The following NHSL2 variants were observed in gnomAD, a reference collection of about 807,000 sequenced individuals.
The protein encoded by NHSL2 is NHS-like protein 2.
In NHSL2, 27 loss-of-function variants were observed where a neutral mutation model predicts 53.4. The observed-to-expected ratio is 0.51, with a 90% confidence interval of 0.37 to 0.70. The LOEUF is 0.70. Among genes scored for constraint, NHSL2 ranks in the 30% least tolerant of loss-of-function variants. NHSL2 has a pLI of 0.00. For synonymous variants in NHSL2, 408 were observed against 404.1 expected (o/e 1.01, Z -0.12); for missense variants, 892 against 980.1 (o/e 0.91, Z 1.20).
At chrX:72,006,108 A>T (rs1450265457) in intron 1 of NHSL2, among the ~76,000 whole-genome samples, 2 of 111,748 alleles carry the variant, frequency 1.8e-5, no homozygotes, top group Non-Finnish European at 3.8e-5. Context: ...CATGGTTAGC[A>T]CCCTGTTTCA....
intron 1 of NHSL2, among the ~76,000 whole-genome samples, chrX:72,028,839 A>C (rs1446002973): frequency 8.9e-6 from 1 of 112,513 alleles, no homozygotes; most frequent in Non-Finnish European, 1.9e-5. Context: ...TTCTTTGGAC[A>C]TTGTCGGTAG....
intron 1 of NHSL2, among the ~76,000 whole-genome samples, chrX:71,981,760 A>G (rs1184624163): frequency 8.9e-6 from 1 of 111,904 alleles, no homozygotes; most frequent in Non-Finnish European, 1.9e-5. Context: ...AATTTAAATC[A>G]AACCACATGA....
At chrX:72,073,313 C>G (rs942047490) in intron 1 of NHSL2, among the ~76,000 whole-genome samples, 4 of 110,895 alleles carry the variant, frequency 3.6e-5, no homozygotes, top group Non-Finnish European at 5.7e-5. Context: ...CCAACAGGAC[C>G]TTAGAGCATA....
rs5991901 is a variant in NHSL2 at position 71,983,887 on chromosome X, T to G, written c.280+72520T>G. ...TGGTTTTGGTGGGTTTTAGCCAGCTTCTTTACTACAGCCTGTTTTATCAGC... is the reference window on the plus strand; with the variant it reads ...TGGTTTTGGTGGGTTTTAGCCAGCTGCTTTACTACAGCCTGTTTTATCAGC... On this transcript the variant is annotated intron_variant, in intron 1 of 7. Coordinates refer to ENST00000633930, the MANE Select transcript of NHSL2 (RefSeq NM_001013627.3). 2.8e-3 allele frequency among the ~76,000 whole-genome samples: 313 copies of G among 111,656 alleles called. 1 individual carries two copies. The highest frequency in any genetic ancestry group is 9.7e-3 in the African/African-American group (299 of 30,719).
intron 1 of NHSL2, among the ~76,000 whole-genome samples, chrX:72,024,439 A>G (rs1234266953): frequency 8.9e-6 from 1 of 112,043 alleles, no homozygotes; most frequent in Non-Finnish European, 1.9e-5. Context: ...ATTTTAAAGG[A>G]GACATTTGAA....
intron 1 of NHSL2, among the ~76,000 whole-genome samples, chrX:72,049,012 A>AGAGGAAGAGGAG (rs2042323245): frequency 1.2e-5 from 1 of 84,521 alleles, no homozygotes; most frequent in Non-Finnish European, 2.2e-5. Context: ...AAGAAGAAGA[A>AGAGGAAGAGGAG]GAGGAAGAGG....
intron 1 of NHSL2, among the ~76,000 whole-genome samples, chrX:72,107,483 C>G (rs967356299): frequency 9.0e-6 from 1 of 111,303 alleles, no homozygotes; most frequent in Non-Finnish European, 1.9e-5. Context: ...CTGCCTGGGC[C>G]CTGCCAGTGT....
intron 1 of NHSL2, among the ~76,000 whole-genome samples, chrX:72,073,510 T>C (rs1159598806): frequency 8.9e-6 from 1 of 112,281 alleles, no homozygotes; most frequent in Non-Finnish European, 1.9e-5. Context: ...TGTGCATATA[T>C]GGACCAGCTG....
chrX:72,013,193 G>A (rs1228860018), intron 1 of NHSL2, among the ~76,000 whole-genome samples: 1 of 111,879 alleles, frequency 8.9e-6, no homozygotes, highest in African/African-American at 3.3e-5. Context: ...TCTCTATTTA[G>A]GTCTTCTTTG....
At position 72,085,593 on chromosome X, in the gene NHSL2, G is replaced by A. The variant is rs183974473; in HGVS notation, c.281-46486G>A. On this transcript the variant is annotated intron_variant, in intron 1 of 7. Coordinates refer to ENST00000633930, the MANE Select transcript of NHSL2 (RefSeq NM_001013627.3). ...GGGGGAAATACAGGTATTTTAAAAT[G>A]TCAGCCTTATTCAAAAAAGCAAAAC... 2.7e-5 allele frequency among the ~76,000 whole-genome samples: 3 copies of A among 111,464 alleles called. 1 individual carries two copies. Among genetic ancestry groups the A allele is most frequent in the Admixed American group, 9.5e-5 (1 of 10,517 alleles).
At chrX:71,959,647 G>A (rs1440334522) in intron 1 of NHSL2, among the ~76,000 whole-genome samples, 1 of 110,930 alleles carries the variant, frequency 9.0e-6, no homozygotes, top group Non-Finnish European at 1.9e-5. Context: ...CCACTCCCCA[G>A]TACTAGGAAA....
intron 1 of NHSL2, among the ~76,000 whole-genome samples, chrX:72,099,967 G>A (rs760191304): frequency 7.2e-5 from 8 of 111,182 alleles, no homozygotes; most frequent in Admixed American, 9.5e-5. Context: ...CAGGCAGAGA[G>A]ATTCAAAATG....
At chrX:72,043,664 C>A (rs764880948) in intron 1 of NHSL2, among the ~76,000 whole-genome samples, 1 of 111,620 alleles carries the variant, frequency 9.0e-6, no homozygotes, top group South Asian at 3.8e-4. Context: ...ATCAAAATAC[C>A]CTGAGACCTC....
At chrX:72,014,233 A>C (rs1391293318) in intron 1 of NHSL2, among the ~76,000 whole-genome samples, 1 of 112,015 alleles carries the variant, frequency 8.9e-6, no homozygotes, top group Non-Finnish European at 1.9e-5. Flanking sequence ...TTTTCAAAGA[A>C]GCAGCTCTTT....
At chrX:72,006,442 C>G (rs746634542) in intron 1 of NHSL2, among the ~76,000 whole-genome samples, 28 of 112,276 alleles carry the variant, frequency 2.5e-4, no homozygotes, top group Middle Eastern at 9.2e-3. Context: ...ATCTCCACCC[C>G]TGGGATGCTC....
At chrX:71,987,812 G>A (rs1030638579) in intron 1 of NHSL2, among the ~76,000 whole-genome samples, 1 of 112,305 alleles carries the variant, frequency 8.9e-6, no homozygotes, top group African/African-American at 3.2e-5. Context: ...AGGCCACCAC[G>A]GTGAAGACAC....
intron 1 of NHSL2, among the ~76,000 whole-genome samples, chrX:71,997,825 G>A (rs2042056023): frequency 8.9e-6 from 1 of 112,001 alleles, no homozygotes; most frequent in Admixed American, 9.4e-5. Flanking sequence ...AACAATCCCT[G>A]GCACCTGGCA....
chrX:71,984,826 CTT>C (rs140131441), intron 1 of NHSL2, among the ~76,000 whole-genome samples: 3 of 91,281 alleles, frequency 3.3e-5, no homozygotes, highest in Admixed American at 1.3e-4. Flanking sequence ...TATTTCTTTC[CTT>C]TTTTTTTTTT....
At chrX:71,940,194 T>G (rs2041759136) in intron 1 of NHSL2, among the ~76,000 whole-genome samples, 1 of 111,440 alleles carries the variant, frequency 9.0e-6, no homozygotes, top group African/African-American at 3.3e-5. Flanking sequence ...TACAAGAAAG[T>G]TTCAAGATAG....
Sources: allele counts gnomAD v4.1 joint callset (sites outside exome capture counted in the v4.1 genomes callset), GRCh38; gene constraint gnomAD v4.1.1; transcripts MANE v1.5; gene names NCBI Gene and HGNC (gene_info 2026-07-23, HGNC 2026-07-21).